The following SHISAL2A variants were observed in gnomAD, a reference collection of about 807,000 sequenced individuals.
SHISAL2A encodes protein shisa-like-2A.
In SHISAL2A, 18 loss-of-function variants were observed where a neutral mutation model predicts 11.5. The observed-to-expected ratio is 1.57, with a 90% CI of 1.08 to 2.33. The LOEUF (loss-of-function observed/expected upper bound fraction) is 2.33, where lower values mean the gene tolerates loss of function less well. Among genes scored for constraint, SHISAL2A ranks in the 30% most tolerant of loss-of-function variants. The pLI, the probability that SHISAL2A is intolerant of heterozygous loss-of-function variation, is 0.00. For missense variants in SHISAL2A, 261 were observed against 250.9 expected (o/e 1.04, Z -0.27); for synonymous variants, 94 against 99.6 (o/e 0.94, Z 0.34).
At chr1:52,642,146 T>A (rs1417113358) in intron 1 of SHISAL2A, among the ~76,000 whole-genome samples, 1 of 152,154 alleles carries the variant, frequency 6.6e-6, no homozygotes, top group Non-Finnish European at 1.5e-5. Context: ...GAAGGAGAGC[T>A]GGCTTTTAAC....
At chr1:52,639,176 A>G (rs2149874657) in intron 1 of SHISAL2A, among the ~76,000 whole-genome samples, 1 of 152,128 alleles carries the variant, frequency 6.6e-6, no homozygotes, top group South Asian at 2.1e-4. Context: ...CTGTCTCAGA[A>G]AAGAAAAAAA....
intron 5 of SHISAL2A, among the ~76,000 whole-genome samples, chr1:52,667,976 G>A (rs1692043482): frequency 1.3e-5 from 2 of 152,138 alleles, no homozygotes; most frequent in Admixed American, 6.6e-5. Flanking sequence ...CAAAGTTGAA[G>A]TAACTGAGAT....
chr1:52,657,195 G>A, downstream of SHISAL2A: 2 of 1,042,732 alleles, frequency 1.9e-6, no homozygotes, highest in Non-Finnish European at 2.7e-6. Context: ...TGTTCTGCTT[G>A]GCCTATTGTG....
intron 2 of SHISAL2A, among the ~76,000 whole-genome samples, chr1:52,654,571 T>C (rs1205251217): frequency 1.3e-5 from 2 of 152,170 alleles, no homozygotes; most frequent in Non-Finnish European, 2.9e-5. Context: ...TTTCAATAAA[T>C]GGTGTTAAAA....
chr1:52,659,032 GGTGGTGGTGGT>G (rs1020292150), downstream of SHISAL2A, among the ~76,000 whole-genome samples: 1 of 127,242 alleles, frequency 7.9e-6, no homozygotes, highest in African/African-American at 3.3e-5. Flanking sequence ...TGGTGGTGGT[GGTGGTGGTGGT>G]GTGTGTGTGT....
At chr1:52,666,624 T>C (rs114367911) in intron 4 of SHISAL2A, among the ~76,000 whole-genome samples, 2,173 of 152,196 alleles carry the variant, frequency 0.014, 26 homozygotes, top group Middle Eastern at 0.041. Flanking sequence ...GAGTGCTTAC[T>C]ATATGCTGAG....
chr1:52,659,837 A>G (rs1289120123), downstream of SHISAL2A, among the ~76,000 whole-genome samples: 1 of 152,136 alleles, frequency 6.6e-6, no homozygotes, highest in African/African-American at 2.4e-5. Context: ...CTTTCAAGGG[A>G]GACTGGGAGG....
chr1:52,635,229 G>T (rs1691213117), intron 1 of SHISAL2A, among the ~76,000 whole-genome samples: 2 of 152,122 alleles, frequency 1.3e-5, no homozygotes, highest in South Asian at 4.1e-4. Flanking sequence ...AGTTCATTTT[G>T]CTTGCTGCCC....
intron 5 of SHISAL2A, among the ~76,000 whole-genome samples, chr1:52,668,253 G>A (rs1484222782): frequency 6.6e-6 from 1 of 152,166 alleles, no homozygotes; most frequent in South Asian, 2.1e-4. Flanking sequence ...GACCTGGATA[G>A]ACCAAACATG....
chr1:52,642,250 A>G (rs1691382586), intron 1 of SHISAL2A, among the ~76,000 whole-genome samples: 1 of 152,098 alleles, frequency 6.6e-6, no homozygotes, highest in South Asian at 2.1e-4. Context: ...GGAGCAGGTG[A>G]GGAAAGTAGG....
downstream of SHISAL2A, among the ~76,000 whole-genome samples, chr1:52,659,948 C>A (rs1463939907): frequency 6.6e-6 from 1 of 152,150 alleles, no homozygotes. Flanking sequence ...TCATCCGCGG[C>A]CTAAGGCAGT....
chr1:52,650,960 T>G (rs1191204719), intron 2 of SHISAL2A, among the ~76,000 whole-genome samples: 2 of 151,522 alleles, frequency 1.3e-5, no homozygotes, highest in Non-Finnish European at 2.9e-5. Flanking sequence ...TTTTTTTTTT[T>G]TTTAACAGCT....
At chr1:52,639,306 C>G (rs1182858302) in intron 1 of SHISAL2A, among the ~76,000 whole-genome samples, 1 of 152,178 alleles carries the variant, frequency 6.6e-6, no homozygotes, top group African/African-American at 2.4e-5. Context: ...GTTGGTGTAT[C>G]TCCATCAACC....
chr1:52,655,099 T>G (rs903829444), intron 2 of SHISAL2A, among the ~76,000 whole-genome samples: 1 of 151,972 alleles, frequency 6.6e-6, no homozygotes, highest in Admixed American at 6.6e-5. Flanking sequence ...GGCAGGAGAA[T>G]CACTTGAACC....
chr1:52,663,440 G>A (rs900945681), intron 4 of SHISAL2A, among the ~76,000 whole-genome samples: 8 of 152,104 alleles, frequency 5.3e-5, no homozygotes, highest in Non-Finnish European at 8.8e-5. Flanking sequence ...CCGTATCTTT[G>A]GTAGTTTAAC....
chr1:52,665,346 C>T (rs1166327251), intron 4 of SHISAL2A, among the ~76,000 whole-genome samples: 5 of 152,164 alleles, frequency 3.3e-5, no homozygotes, highest in Admixed American at 2.6e-4. Context: ...CATTCTGTAA[C>T]TCTATCCAAG....
Position 52,633,544 on chromosome 1 carries a change from C to T in SHISAL2A, c.51C>T (p.Arg17=), listed in dbSNP as rs377395811. The change falls in exon 1 of 3, where the codon CGC becomes CGT. Residue 17 remains arginine (R), a synonymous_variant. Coordinates refer to ENST00000517870, the MANE Select transcript of SHISAL2A (RefSeq NM_001042693.3). This position sits in a 1 kb window ranked among gnomAD's most constrained non-coding sequence, Gnocchi z 6.4. ...SYVSAEQEVV[R]GFSCPRPGGE... ...TGAGCGCAGAGCAGGAGGTGGTGCG[C>T]GGCTTCAGCTGCCCGCGGCCGGGGG... 1.0e-5 allele frequency: 16 copies of T among 1,607,186 alleles called. No individual in the cohort carries two copies. The African/African-American group carries it at 1.6e-4, about 16-fold the overall frequency.
At chr1:52,650,233 A>G (rs560730535) in intron 2 of SHISAL2A, among the ~76,000 whole-genome samples, 1 of 152,318 alleles carries the variant, frequency 6.6e-6, no homozygotes, top group South Asian at 2.1e-4. Context: ...GCAGGGGGAA[A>G]ACCTGAGAAC....
upstream of SHISAL2A, among the ~76,000 whole-genome samples, chr1:52,632,994 C>G (rs918290848): frequency 1.3e-5 from 2 of 152,136 alleles, no homozygotes; most frequent in Non-Finnish European, 2.9e-5. Context: ...TGTCTGTCTG[C>G]CCCAGCCCCG....
Sources: gnomAD v4.1 joint callset for allele counts (sites outside exome capture counted in the v4.1 genomes callset) on GRCh38, gnomAD v4.1.1 for gene constraint, Gnocchi (gnomAD v3.1) non-coding constraint, MANE v1.5 for transcripts, NCBI Gene and HGNC (gene_info 2026-07-23, HGNC 2026-07-21) for gene names.